Variants in RNF38 observed in about 807,000 individuals in gnomAD.
The protein encoded by RNF38 is E3 ubiquitin-protein ligase RNF38.
A neutral mutation model predicts 67.2 loss-of-function variants in RNF38; 15 were observed. That is an observed-to-expected ratio of 0.22 (90% confidence interval 0.15 to 0.34). RNF38 has a LOEUF of 0.34. Among genes scored for constraint, RNF38 ranks in the 10% least tolerant of loss-of-function variants. The probability of loss-of-function intolerance (pLI) is 1.00; values close to 1 mark genes in which losing one functional copy is unlikely to be tolerated. For missense variants in RNF38, 524 were observed against 639.9 expected, an observed-to-expected ratio of 0.82 and a Z score of 1.95; for synonymous variants, 220 against 218.8, an observed-to-expected ratio of 1.01 and a Z score of -0.05.
upstream of RNF38, among the ~76,000 whole-genome samples, chr9:36,404,316 A>G (rs1399367698): frequency 6.6e-6 from 1 of 152,242 alleles, no homozygotes. Flanking sequence ...GATCCACACC[A>G]TCGTCATTAC....
chr9:36,399,859 C>G (rs1462097997), intron 1 of RNF38, among the ~76,000 whole-genome samples: 1 of 152,036 alleles, frequency 6.6e-6, no homozygotes, highest in Non-Finnish European at 1.5e-5. Context: ...CACTCGCAAT[C>G]AAGGCCAAAC....
intron 1 of RNF38, among the ~76,000 whole-genome samples, chr9:36,445,530 A>G (rs1404706012): frequency 1.3e-5 from 2 of 152,224 alleles, no homozygotes; most frequent in African/African-American, 4.8e-5. Context: ...AAAGCAATGG[A>G]ACCCATACGG....
chr9:36,380,959 A>G (rs1345461367), intron 2 of RNF38, among the ~76,000 whole-genome samples: 1 of 152,256 alleles, frequency 6.6e-6, no homozygotes, highest in East Asian at 1.9e-4. Flanking sequence ...GAAGTAGTCA[A>G]AATTTCCAAA....
Position 36,390,589 on chromosome 9 carries a change from G to T in RNF38, c.40C>A (p.Leu14Ile). The T allele has an allele frequency of 6.2e-7, 1 of 1,614,140 alleles. No homozygotes were observed. The highest frequency in any genetic ancestry group is 8.5e-7 in the Non-Finnish European group (1 of 1,180,014). The change falls in exon 2 of 12, where the codon CTA (leucine) becomes ATA (isoleucine). Residue 14 changes from leucine (L) to isoleucine (I), a missense_variant. Transcript: ENST00000259605. Reference protein sequence around the residue: ...KISPGANSASLPGHPNKVICE... With the variant: ...KISPGANSASIPGHPNKVICE... ...ATCACCTTGTTAGGATGGCCAGGTA[G>T]AGATGCTGAATTGGCCCCGGGAGAT...
intron 1 of RNF38, among the ~76,000 whole-genome samples, chr9:36,484,409 T>G (rs574932059): frequency 1.8e-4 from 27 of 152,294 alleles, no homozygotes; most frequent in Non-Finnish European, 3.1e-4. Flanking sequence ...GGTCCATTAT[T>G]ATGAAACAAA....
At chr9:36,455,904 C>T (rs1339568651) in intron 1 of RNF38, among the ~76,000 whole-genome samples, 1 of 149,528 alleles carries the variant, frequency 6.7e-6, no homozygotes, top group Non-Finnish European at 1.5e-5. Flanking sequence ...GAGCAAGACT[C>T]CACCTCAAAA....
intron 1 of RNF38, among the ~76,000 whole-genome samples, chr9:36,442,472 T>A (rs1839212895): frequency 6.6e-6 from 1 of 152,136 alleles, no homozygotes; most frequent in South Asian, 2.1e-4. Context: ...GCTCATATTT[T>A]AAAAATACAT....
chr9:36,351,995 T>A (rs1245896888), intron 8 of RNF38, among the ~76,000 whole-genome samples: 1 of 152,156 alleles, frequency 6.6e-6, no homozygotes, highest in African/African-American at 2.4e-5. Flanking sequence ...CTTTATTATG[T>A]GAGACAGAAA....
intron 2 of RNF38, among the ~76,000 whole-genome samples, chr9:36,379,299 C>T (rs1171200869): frequency 6.6e-6 from 1 of 152,232 alleles, no homozygotes; most frequent in Non-Finnish European, 1.5e-5. Flanking sequence ...GATTTCATCA[C>T]TTCCCTTATC....
chr9:36,371,481 G>A (rs961174497), intron 3 of RNF38, among the ~76,000 whole-genome samples: 1 of 106,962 alleles, frequency 9.3e-6, no homozygotes, highest in Non-Finnish European at 1.8e-5. Flanking sequence ...TTTCACTCTT[G>A]TCACCCAGGC....
intron 1 of RNF38, among the ~76,000 whole-genome samples, chr9:36,469,574 T>C (rs1005817210): frequency 2.0e-5 from 3 of 152,030 alleles, no homozygotes; most frequent in Admixed American, 6.6e-5. Context: ...GGCAGGAGAA[T>C]TGCTTGAACC....
At chr9:36,431,204 A>C (rs556707683) in intron 1 of RNF38, among the ~76,000 whole-genome samples, 2 of 152,338 alleles carry the variant, frequency 1.3e-5, no homozygotes, top group South Asian at 4.1e-4. Flanking sequence ...TTGCTTAATG[A>C]TGAGAATACA....
rs2134240191 is a variant in RNF38, at chr9:36,423,850, G to A, written n.312+763C>T. 2.3e-5 allele frequency among the ~76,000 whole-genome samples: 2 copies of A among 85,798 alleles called. 1 individual carries two copies. Among genetic ancestry groups the A allele is most frequent in the South Asian group, 8.0e-4 (2 of 2,512 alleles). 56.3% of individuals were successfully genotyped at this position (85,798 alleles called of 152,430 possible). A position where few individuals can be genotyped will look rare whatever the true frequency, so the allele number is the denominator to read the frequency against. ...TGTAGTCCCAGCTACTCGGGAGGCT[G>A]AGGCAGGAGAATGGCGTGAACCCGG... On this transcript the variant is annotated intron_variant and non_coding_transcript_variant, in intron 2 of 3. Transcript: ENST00000488058.
chr9:36,337,708 C>T lies in RNF38; in HGVS notation c.*2044G>A, dbSNP rs1465286977. On this transcript the variant is annotated 3_prime_UTR_variant, in exon 12 of 12. Transcript: ENST00000259605. ...GATTTGTATGTAGCTGATTATTATG[C>T]CAAGAATTTTGGTCTTTAACACACT... 6.6e-6 allele frequency: 1 copy of T among 152,306 alleles called. No individual in the cohort carries two copies. Among genetic ancestry groups the T allele is most frequent in the Non-Finnish European group, 1.5e-5 (1 of 67,996 alleles). The allele number at this position is 152,306 out of a possible 1,614,324, so 9.4% of individuals were successfully genotyped here.
intron 1 of RNF38, among the ~76,000 whole-genome samples, chr9:36,396,619 T>G (rs1454127922): frequency 6.6e-6 from 1 of 152,048 alleles, no homozygotes; most frequent in African/African-American, 2.4e-5. Context: ...GAGAGAACAC[T>G]GCAAACAGGA....
chr9:36,411,524 T>G (rs1216637866), intron 2 of RNF38, among the ~76,000 whole-genome samples: 3 of 152,208 alleles, frequency 2.0e-5, no homozygotes, highest in Non-Finnish European at 4.4e-5. Flanking sequence ...CCCAAGTATT[T>G]ATCAATGATG....
chr9:36,469,170 T>C (rs1436597088), intron 1 of RNF38, among the ~76,000 whole-genome samples: 1 of 152,136 alleles, frequency 6.6e-6, no homozygotes, highest in East Asian at 1.9e-4. Flanking sequence ...CCTGGATCCT[T>C]CTCTCCAGAA....
intron 1 of RNF38, among the ~76,000 whole-genome samples, chr9:36,473,884 G>A (rs1213017975): frequency 6.6e-6 from 1 of 151,436 alleles, no homozygotes; most frequent in Admixed American, 6.6e-5. Flanking sequence ...CTACTCAGGA[G>A]GCTGAGGCAG....
chr9:36,365,919 C>T (rs1834920700), intron 4 of RNF38, among the ~76,000 whole-genome samples: 2 of 152,088 alleles, frequency 1.3e-5, no homozygotes, highest in Admixed American at 1.3e-4. Flanking sequence ...CCGCCTTCGG[C>T]CTCCCAAAGT....
Sources: gnomAD v4.1 joint callset for allele counts (sites outside exome capture counted in the v4.1 genomes callset) on GRCh38, gnomAD v4.1.1 for gene constraint, MANE v1.5 for transcripts, NCBI Gene and HGNC (gene_info 2026-07-23, HGNC 2026-07-21) for gene names.